CDK13: variants seen among roughly 807,000 people sequenced by gnomAD.
CDK13 encodes cyclin dependent kinase 13, also known as cyclin-dependent kinase 13.
CDK13 carries 40 observed loss-of-function variants against 137.6 expected under a neutral mutation model. The ratio of observed to expected loss-of-function variants is 0.29; its 90% CI spans 0.23 to 0.38. The LOEUF (loss-of-function observed/expected upper bound fraction) is 0.38. CDK13 is among the 10% of genes least tolerant of loss of function. CDK13 has a pLI of 1.00. For missense variants in CDK13, 1,704 were observed against 1,951.8 expected (o/e 0.87, Z 2.39); for synonymous variants, 869 against 760.1 (o/e 1.14, Z -2.36).
At chr7:40,065,503 T>C (rs1786261503) in intron 9 of CDK13, among the ~76,000 whole-genome samples, 1 of 152,098 alleles carries the variant, frequency 6.6e-6, no homozygotes, top group South Asian at 2.1e-4. Flanking sequence ...TCTCATAATA[T>C]TTTAAGAAAG....
Position 40,027,611 on chromosome 7 carries a change from G to A in CDK13, c.2354-18225G>A, listed in dbSNP as rs184044759. Among the ~76,000 whole-genome samples, 510 of 150,426 alleles carry A rather than the reference G, an allele frequency of 3.4e-3. 3 individuals are homozygous for A. Among genetic ancestry groups the A allele is most frequent in the African/African-American group, 0.012 (477 of 40,730 alleles). On this transcript the variant is annotated intron_variant, in intron 5 of 13. Coordinates refer to ENST00000181839, the MANE Select transcript of CDK13 (RefSeq NM_003718.5). ...GATATGGTATTTGACATGTTTTGGG[G>A]CCACCCACCACTGGTTTACCTTACT...
intron 1 of CDK13, chr7:39,952,291 A>G (rs757793177): frequency 1.3e-5 from 2 of 155,390 alleles, no homozygotes; most frequent in Non-Finnish European, 2.8e-5. Flanking sequence ...GTACAGGGGA[A>G]TAAGAATCAG....
chr7:39,992,316 G>T (rs1784480888), intron 2 of CDK13, among the ~76,000 whole-genome samples: 1 of 152,002 alleles, frequency 6.6e-6, no homozygotes. Context: ...CCCTGCCTCA[G>T]CTTCCGGAGT....
chr7:39,995,822 A>T (rs1434542112), intron 2 of CDK13, among the ~76,000 whole-genome samples: 1 of 152,202 alleles, frequency 6.6e-6, no homozygotes, highest in Non-Finnish European at 1.5e-5. Flanking sequence ...AGCCTGGCCA[A>T]CATGGTGAAA....
intron 9 of CDK13, chr7:40,067,610 T>A (rs1330487078): frequency 6.6e-6 from 1 of 151,962 alleles, no homozygotes; most frequent in Non-Finnish European, 1.5e-5. Flanking sequence ...ACAAAATCAA[T>A]ATGACACACA....
At chr7:40,053,898 TTA>T (rs1785952170) in intron 7 of CDK13, among the ~76,000 whole-genome samples, 1 of 152,204 alleles carries the variant, frequency 6.6e-6, no homozygotes, top group African/African-American at 2.4e-5. Context: ...GGTATCATTC[TTA>T]TGTACATTTT....
chr7:39,995,177 A>C (rs1321609303), intron 2 of CDK13, among the ~76,000 whole-genome samples: 2 of 152,166 alleles, frequency 1.3e-5, no homozygotes, highest in Non-Finnish European at 2.9e-5. Flanking sequence ...TATTGCAAAT[A>C]TTCAATAAAA....
chr7:40,076,872 T>C (rs1786556158), intron 9 of CDK13, among the ~76,000 whole-genome samples: 1 of 152,190 alleles, frequency 6.6e-6, no homozygotes, highest in Admixed American at 6.5e-5. Flanking sequence ...ACATCAACGT[T>C]TTCTTTTTAC....
At chr7:40,081,633 G>C (rs915291401) in intron 11 of CDK13, among the ~76,000 whole-genome samples, 6 of 152,142 alleles carry the variant, frequency 3.9e-5, no homozygotes, top group Non-Finnish European at 8.8e-5. Flanking sequence ...GTGACTAAAA[G>C]CTCTTTTCTT....
intron 5 of CDK13, 90 bp from the exon 6 acceptor site, chr7:40,045,746 C>A: frequency 1.2e-6 from 1 of 803,996 alleles, no homozygotes; most frequent in East Asian, 2.6e-5. Flanking sequence ...ATTAATTCTT[C>A]CTCTACCAGC....
chr7:39,996,961 C>CAAAAAAAAAAAAAAAAAAAAAA lies in CDK13; in HGVS notation c.1872-518_1872-517insAAAAAAAAAAAAAAAAAAAAAA, dbSNP rs72210233. On this transcript the variant is annotated intron_variant, in intron 2 of 13. Transcript: ENST00000181839. ...CTTGGGTGACAGTGAGATTCCATCTCAAAAAAAAAAAAAAAGAAAAAAAAA... is the reference window on the plus strand; with the variant it reads ...CTTGGGTGACAGTGAGATTCCATCTCAAAAAAAAAAAAAAAAAAAAAAAAAAAAAAAAAAAAAGAAAAAAAAA... Among the ~76,000 whole-genome samples, 19 of 83,242 alleles carry CAAAAAAAAAAAAAAAAAAAAAA rather than the reference C, an allele frequency of 2.3e-4. 1 individual carries two copies. The highest frequency in any genetic ancestry group is 1.4e-3 in the African/African-American group (18 of 12,728). The allele number at this position is 83,242 out of a possible 152,430, so 54.6% of individuals were successfully genotyped here.
At chr7:40,008,789 A>C (rs1365643708) in intron 5 of CDK13, among the ~76,000 whole-genome samples, 1 of 152,224 alleles carries the variant, frequency 6.6e-6, no homozygotes, top group African/African-American at 2.4e-5. Context: ...CAGGGTTGAA[A>C]GTCACTCATA....
chr7:40,049,784 T>G (rs781348025), intron 7 of CDK13, among the ~76,000 whole-genome samples: 6 of 152,070 alleles, frequency 3.9e-5, no homozygotes, highest in Non-Finnish European at 8.8e-5. Flanking sequence ...ACTCTCTACC[T>G]CTATGAGTTG....
At chr7:39,999,693 T>C (rs1299218936) in intron 4 of CDK13, among the ~76,000 whole-genome samples, 193 bp downstream of exon 4, 1 of 152,250 alleles carries the variant, frequency 6.6e-6, no homozygotes, top group Non-Finnish European at 1.5e-5. Flanking sequence ...TCTGTATATG[T>C]GTATATTTTA....
Position 39,988,018 on chromosome 7 carries a change from A to G in CDK13, c.1631A>G (p.Gln544Arg), listed in dbSNP as rs2116267329. 2.5e-6 allele frequency: 4 copies of G among 1,614,148 alleles called. No individual in the cohort carries two copies. The highest frequency in any genetic ancestry group is 3.4e-6 in the Non-Finnish European group (4 of 1,179,970). Residue 544 changes from glutamine to arginine, a missense_variant, in exon 2 of 14, where the codon CAG becomes CGG. Gln to Arg is a conservative substitution (Grantham distance 43). Coordinates refer to ENST00000181839, the MANE Select transcript of CDK13 (RefSeq NM_003718.5). ...NDKAKTKPPL[Q>R]VTKVENNLIV... ...AAAGCAAAAACAAAGCCACCTCTTC[A>G]GGTAACGAAGGTGGAAAATAATTTG...
intron 12 of CDK13, among the ~76,000 whole-genome samples, chr7:40,091,404 C>G (rs1311719867): frequency 6.6e-6 from 1 of 152,016 alleles, no homozygotes; most frequent in Non-Finnish European, 1.5e-5. Context: ...GCCTGTAATC[C>G]CAGCTCCTAG....
chr7:40,007,508 C>T (rs1784817041), intron 5 of CDK13, among the ~76,000 whole-genome samples: 1 of 152,210 alleles, frequency 6.6e-6, no homozygotes, highest in Non-Finnish European at 1.5e-5. Context: ...CTCACTGCGA[C>T]CTCTGCCTCC....
intron 5 of CDK13, among the ~76,000 whole-genome samples, chr7:40,004,609 C>T (rs993611265): frequency 6.6e-6 from 1 of 152,196 alleles, no homozygotes; most frequent in Admixed American, 6.5e-5. Flanking sequence ...TATGACATTA[C>T]ACTAATTGTG....
intron 11 of CDK13, among the ~76,000 whole-genome samples, chr7:40,083,325 A>T (rs1216028598): frequency 6.7e-6 from 1 of 150,278 alleles, no homozygotes; most frequent in East Asian, 1.9e-4. Context: ...AAAAAAAAAG[A>T]TGAAGAATTA....
Sources: gnomAD v4.1 joint callset for allele counts (sites outside exome capture counted in the v4.1 genomes callset) on GRCh38, gnomAD v4.1.1 for gene constraint, MANE v1.5 for transcripts, NCBI Gene and HGNC (gene_info 2026-07-23, HGNC 2026-07-21) for gene names.